IMMP2L: variants seen among roughly 807,000 people sequenced by gnomAD.
IMMP2L encodes inner mitochondrial membrane peptidase subunit 2.
Under a neutral mutation model 19.3 loss-of-function variants are expected in IMMP2L, and 18 were observed. The ratio of observed to expected loss-of-function variants is 0.93; its 90% confidence interval spans 0.64 to 1.38. IMMP2L has a LOEUF of 1.38. Ranked by LOEUF, IMMP2L falls within the 40% of genes most tolerant of loss-of-function variation. The probability of loss-of-function intolerance (pLI) is 0.00; values close to 1 mark genes in which losing one functional copy is unlikely to be tolerated. For synonymous variants in IMMP2L, 76 were observed against 73.0 expected (o/e 1.04, Z -0.21); for missense variants, 233 against 218.2 (o/e 1.07, Z -0.43).
intron 3 of IMMP2L, among the ~76,000 whole-genome samples, chr7:110,994,484 C>G (rs1585643829): frequency 1.3e-5 from 2 of 152,162 alleles, no homozygotes; most frequent in African/African-American, 4.8e-5. Flanking sequence ...CGTAGCACTT[C>G]TAGAGCATGC....
intron 3 of IMMP2L, among the ~76,000 whole-genome samples, chr7:111,397,617 T>G (rs1833004885): frequency 6.6e-6 from 1 of 152,164 alleles, no homozygotes; most frequent in African/African-American, 2.4e-5. Context: ...AAAGTATGTC[T>G]CATTTAATTT....
intron 5 of IMMP2L, among the ~76,000 whole-genome samples, chr7:110,858,524 G>A (rs910315139): frequency 2.0e-5 from 3 of 152,084 alleles, no homozygotes; most frequent in Admixed American, 6.6e-5. Flanking sequence ...TTGTGGATTA[G>A]AAATATCCAG....
intron 3 of IMMP2L, among the ~76,000 whole-genome samples, chr7:111,304,088 C>G (rs1822565682): frequency 6.6e-6 from 1 of 152,032 alleles, no homozygotes; most frequent in African/African-American, 2.4e-5. Context: ...ATTGAAGAAA[C>G]TAATTATTCA....
chr7:110,897,895 A>G (rs1015435778), intron 4 of IMMP2L, among the ~76,000 whole-genome samples: 3 of 152,124 alleles, frequency 2.0e-5, no homozygotes, highest in African/African-American at 7.2e-5. Context: ...TGTGAATGTG[A>G]ATATGGGAAT....
At chr7:111,329,332 C>A (rs78168168) in intron 3 of IMMP2L, among the ~76,000 whole-genome samples, 1 of 151,626 alleles carries the variant, frequency 6.6e-6, no homozygotes, top group Non-Finnish European at 1.5e-5. Context: ...AACTAGAAAA[C>A]AAGGAAACTC....
chr7:111,398,787 T>A (rs1039852980), intron 3 of IMMP2L, among the ~76,000 whole-genome samples: 3 of 150,616 alleles, frequency 2.0e-5, no homozygotes, highest in African/African-American at 7.3e-5. Flanking sequence ...TTTCCAGATA[T>A]AAGATTAATG....
chr7:111,500,232 A>C (rs200296991), intron 2 of IMMP2L, among the ~76,000 whole-genome samples: 1 of 152,284 alleles, frequency 6.6e-6, no homozygotes, highest in Admixed American at 6.5e-5. Flanking sequence ...TGAGATCAAA[A>C]TGCAAGGCGG....
chr7:111,251,783 G>A (rs191151322), intron 3 of IMMP2L, among the ~76,000 whole-genome samples: 134 of 152,058 alleles, frequency 8.8e-4, no homozygotes, highest in African/African-American at 3.2e-3. Flanking sequence ...AATAGCTAAT[G>A]GATGCTGGGC....
chr7:110,835,852 C>T (rs1156531753), intron 5 of IMMP2L, among the ~76,000 whole-genome samples: 4 of 152,072 alleles, frequency 2.6e-5, no homozygotes, highest in African/African-American at 9.7e-5. Flanking sequence ...TCTTCACATG[C>T]CTCACATTTT....
intron 5 of IMMP2L, among the ~76,000 whole-genome samples, chr7:110,807,017 A>G (rs1416847603): frequency 6.6e-6 from 1 of 151,958 alleles, no homozygotes; most frequent in Non-Finnish European, 1.5e-5. Flanking sequence ...TGGATGTTGG[A>G]CCATAATGAC....
chr7:110,672,187 A>T (rs1195724525), intron 5 of IMMP2L, among the ~76,000 whole-genome samples: 1 of 152,126 alleles, frequency 6.6e-6, no homozygotes, highest in Non-Finnish European at 1.5e-5. Context: ...AAGGGGAAGC[A>T]AACATGTCCT....
intron 3 of IMMP2L, among the ~76,000 whole-genome samples, chr7:111,464,999 A>G (rs917068852): frequency 6.6e-6 from 1 of 152,058 alleles, no homozygotes; most frequent in Admixed American, 6.6e-5. Flanking sequence ...TCACCGTGTT[A>G]GCCAGGATGG....
chr7:110,843,123 C>A (rs1434816189), intron 5 of IMMP2L, among the ~76,000 whole-genome samples: 1 of 151,924 alleles, frequency 6.6e-6, no homozygotes. Context: ...ACAACGACGA[C>A]AAAAAAGACA....
At chr7:111,488,460 T>C (rs1488760892) in intron 2 of IMMP2L, among the ~76,000 whole-genome samples, 1 of 152,204 alleles carries the variant, frequency 6.6e-6, no homozygotes, top group Non-Finnish European at 1.5e-5. Flanking sequence ...CATGACTTAC[T>C]TCACTTAGAT....
chr7:110,831,631 T>C (rs953145), intron 5 of IMMP2L, among the ~76,000 whole-genome samples: 5 of 152,096 alleles, frequency 3.3e-5, no homozygotes, highest in Non-Finnish European at 7.4e-5. Context: ...TGGAAACTTA[T>C]CAAAAGAGGC....
intron 3 of IMMP2L, among the ~76,000 whole-genome samples, chr7:111,278,486 A>C (rs1021940105): frequency 1.6e-4 from 25 of 152,308 alleles, no homozygotes; most frequent in African/African-American, 5.8e-4. Flanking sequence ...AGTTTTAAAA[A>C]TGAATGTCAC....
At chr7:111,002,420 A>G (rs1372051907) in intron 3 of IMMP2L, among the ~76,000 whole-genome samples, 1 of 152,100 alleles carries the variant, frequency 6.6e-6, no homozygotes, top group Admixed American at 6.6e-5. Context: ...AAATAAAGAG[A>G]TGAGGAATTT....
intron 3 of IMMP2L, among the ~76,000 whole-genome samples, chr7:111,325,721 A>G (rs577445612): frequency 1.3e-4 from 20 of 151,848 alleles, no homozygotes; most frequent in African/African-American, 4.6e-4. Context: ...TCATCTAAAT[A>G]CCTTTCAAAA....
chr7:111,408,952 C>T (rs1834132734), intron 3 of IMMP2L, among the ~76,000 whole-genome samples: 1 of 151,592 alleles, frequency 6.6e-6, no homozygotes, highest in South Asian at 2.1e-4. Flanking sequence ...TACATCAGCA[C>T]TTTCTGTCTA....
Sources: gnomAD v4.1 joint callset for allele counts (sites outside exome capture counted in the v4.1 genomes callset) on GRCh38, gnomAD v4.1.1 for gene constraint, MANE v1.5 for transcripts, NCBI Gene and HGNC (gene_info 2026-07-23, HGNC 2026-07-21) for gene names.